The following CTIF variants were observed in gnomAD, a reference collection of about 807,000 sequenced individuals.
The protein encoded by CTIF is cap binding complex dependent translation initiation factor.
CTIF carries 21 observed loss-of-function variants against 66.0 expected under a neutral mutation model. The observed-to-expected ratio is 0.32, with a 90% confidence interval of 0.23 to 0.46. The LOEUF (loss-of-function observed/expected upper bound fraction) is 0.46, where lower values mean the gene tolerates loss of function less well. Ranked by LOEUF, CTIF falls within the 20% of genes least tolerant of loss-of-function variation. The probability of loss-of-function intolerance (pLI) is 1.00; values close to 1 mark genes in which losing one functional copy is unlikely to be tolerated. For missense variants in CTIF, 739 were observed against 812.7 expected (o/e 0.91, Z 1.10); for synonymous variants, 345 against 326.4 (o/e 1.06, Z -0.62).
At chr18:48,819,587 A>G in intron 10 of CTIF, among the ~76,000 whole-genome samples, 1 of 152,206 alleles carries the variant, frequency 6.6e-6, no homozygotes, top group East Asian at 1.9e-4. Flanking sequence ...CGGAGGTGCC[A>G]GGAGATGTGT....
chr18:48,857,408 C>G (rs577332738), intron 10 of CTIF, among the ~76,000 whole-genome samples, 180 bp from the exon 11 acceptor site: 1 of 152,216 alleles, frequency 6.6e-6, no homozygotes, highest in East Asian at 1.9e-4. Flanking sequence ...GGCCACCCGG[C>G]GCAACTGACT....
At chr18:48,633,397 TG>T (rs1382200130) in intron 2 of CTIF, among the ~76,000 whole-genome samples, 2 of 152,208 alleles carry the variant, frequency 1.3e-5, no homozygotes, top group Non-Finnish European at 2.9e-5. Flanking sequence ...TATGTGTATC[TG>T]TATACATTAT....
intron 1 of CTIF, among the ~76,000 whole-genome samples, chr18:48,573,786 C>T (rs928790228): frequency 6.6e-6 from 1 of 152,212 alleles, no homozygotes; most frequent in Non-Finnish European, 1.5e-5. Flanking sequence ...GCTGGCCATT[C>T]GCAGTGTGCC....
At chr18:48,749,341 C>T (rs1030098195) in intron 7 of CTIF, among the ~76,000 whole-genome samples, 1 of 152,144 alleles carries the variant, frequency 6.6e-6, no homozygotes, top group Admixed American at 6.5e-5. Context: ...CTGCGAGGAC[C>T]CCATCACAGT....
At chr18:48,549,419 C>T (rs972431787) in intron 1 of CTIF, among the ~76,000 whole-genome samples, 5 of 152,152 alleles carry the variant, frequency 3.3e-5, no homozygotes, top group African/African-American at 9.7e-5. Flanking sequence ...CTAACGATGG[C>T]TTTAAAAACA....
At chr18:48,610,712 C>T (rs978569106) in intron 1 of CTIF, among the ~76,000 whole-genome samples, 7 of 152,208 alleles carry the variant, frequency 4.6e-5, no homozygotes, top group Admixed American at 1.3e-4. Context: ...ATGCCCTGCC[C>T]ACCTCATGAA....
At chr18:48,687,983 C>A (rs980061280) in intron 6 of CTIF, among the ~76,000 whole-genome samples, 1 of 152,254 alleles carries the variant, frequency 6.6e-6, no homozygotes, top group Non-Finnish European at 1.5e-5. Flanking sequence ...TTCCTGAAAA[C>A]CGCTTGTGTA....
chr18:48,670,492 C>CA (rs1486397516), intron 5 of CTIF, 177 bp from the exon 6 acceptor site: 36 of 557,566 alleles, frequency 6.5e-5, no homozygotes, highest in African/African-American at 1.9e-4. Context: ...AGGACCCCCC[C>CA]CCCACACACA....
chr18:48,636,906 A>G (rs1488568808), intron 3 of CTIF, among the ~76,000 whole-genome samples: 2 of 152,170 alleles, frequency 1.3e-5, no homozygotes, highest in African/African-American at 4.8e-5. Context: ...ATTTCTTTTT[A>G]GTAGCTGCGT....
chr18:48,583,005 G>C (rs1157674853), intron 1 of CTIF, among the ~76,000 whole-genome samples: 2 of 152,204 alleles, frequency 1.3e-5, no homozygotes, highest in East Asian at 3.9e-4. Context: ...AGCACCTCTG[G>C]TATGCCCAGG....
chr18:48,602,131 A>G (rs2090101503), intron 1 of CTIF, among the ~76,000 whole-genome samples: 1 of 152,248 alleles, frequency 6.6e-6, no homozygotes, highest in Non-Finnish European at 1.5e-5. Flanking sequence ...ATAGTGTCAC[A>G]TCCTCCATTA....
At chr18:48,738,527 C>G (rs1458801127) in intron 7 of CTIF, among the ~76,000 whole-genome samples, 1 of 151,884 alleles carries the variant, frequency 6.6e-6, no homozygotes, top group South Asian at 2.1e-4. Context: ...GGACTTTGCA[C>G]TGGCTGTTCC....
intron 1 of CTIF, among the ~76,000 whole-genome samples, chr18:48,544,493 C>T (rs181683666): frequency 5.2e-4 from 79 of 152,290 alleles, no homozygotes; most frequent in Non-Finnish European, 6.5e-4. Flanking sequence ...CTTGAACTTC[C>T]CAGAGCTTCT....
intron 10 of CTIF, among the ~76,000 whole-genome samples, chr18:48,824,035 G>A (rs1388872025): frequency 1.4e-5 from 2 of 144,342 alleles, no homozygotes; most frequent in Non-Finnish European, 3.0e-5. Context: ...ACTAATAAAT[G>A]AATTCAGTAA....
intron 1 of CTIF, among the ~76,000 whole-genome samples, chr18:48,561,177 G>T (rs1216394400): frequency 7.0e-6 from 1 of 143,262 alleles, no homozygotes; most frequent in Non-Finnish European, 1.5e-5. Flanking sequence ...TGTGGAGGTT[G>T]CAGTGAGCCA....
Position 48,859,657 on chromosome 18 carries a change from A to T in CTIF, c.*98A>T, listed in dbSNP as rs1355230471. ...AGGACAGGGGTGGCCCTGGCGGGAG[A>T]AAGAAATGGGGAGGAGGGCAGGCAG... On this transcript the variant is annotated 3_prime_UTR_variant, in exon 12 of 12. Coordinates refer to ENST00000256413, the MANE Select transcript of CTIF (RefSeq NM_014772.3). 2.6e-6 allele frequency: 3 copies of T among 1,155,752 alleles called. No homozygotes were observed. The East Asian group carries it at 7.3e-5, about 28-fold the overall frequency. 71.6% of individuals were successfully genotyped at this position (1,155,752 alleles called of 1,614,324 possible). A position where few individuals can be genotyped will look rare whatever the true frequency, so the allele number is the denominator to read the frequency against.
At chr18:48,631,003 G>C (rs540094548) in intron 2 of CTIF, among the ~76,000 whole-genome samples, 7 of 152,244 alleles carry the variant, frequency 4.6e-5, no homozygotes, top group African/African-American at 1.4e-4. Context: ...GAGATACTTT[G>C]ATATCTGGTA....
chr18:48,674,343 T>C (rs1325829410), intron 6 of CTIF, among the ~76,000 whole-genome samples: 3 of 152,254 alleles, frequency 2.0e-5, no homozygotes, highest in African/African-American at 4.8e-5. Flanking sequence ...TCCTCCCCTG[T>C]GCTGCTGCAG....
At chr18:48,856,960 A>G (rs1373408362) in intron 10 of CTIF, among the ~76,000 whole-genome samples, 1 of 152,250 alleles carries the variant, frequency 6.6e-6, no homozygotes, top group Non-Finnish European at 1.5e-5. Context: ...TGAGCCAGGC[A>G]AGTCGGGGGA....
Sources: allele counts gnomAD v4.1 joint callset (sites outside exome capture counted in the v4.1 genomes callset), GRCh38; gene constraint gnomAD v4.1.1; transcripts MANE v1.5; gene names NCBI Gene and HGNC (gene_info 2026-07-23, HGNC 2026-07-21).